The following SETBP1 variants were observed in gnomAD, a reference collection of about 807,000 sequenced individuals.
The protein encoded by SETBP1 is SET-binding protein.
SETBP1 carries 9 observed loss-of-function variants against 101.0 expected under a neutral mutation model. The ratio of observed to expected loss-of-function variants is 0.09; its 90% confidence interval spans 0.05 to 0.16. The LOEUF is 0.16. Ranked by LOEUF, SETBP1 falls within the 10% of genes least tolerant of loss-of-function variation. The pLI, the probability that SETBP1 is intolerant of heterozygous loss-of-function variation, is 1.00. For synonymous variants in SETBP1, 818 were observed against 788.5 expected (o/e 1.04, Z -0.63); for missense variants, 1,858 against 2,033.8 (o/e 0.91, Z 1.66).
chr18:44,910,007 T>A (rs796983374), intron 3 of SETBP1, among the ~76,000 whole-genome samples: 1 of 152,246 alleles, frequency 6.6e-6, no homozygotes, highest in South Asian at 2.1e-4. Flanking sequence ...CTATGGTTTC[T>A]TGTCTATGAA....
chr18:44,945,518 C>G (rs1428305140), intron 3 of SETBP1, among the ~76,000 whole-genome samples: 1 of 151,956 alleles, frequency 6.6e-6, no homozygotes, highest in African/African-American at 2.4e-5. Context: ...AAAAGTGAGC[C>G]ACACCTTTTA....
At position 44,890,533 on chromosome 18, in the gene SETBP1, A is replaced by G. The variant is rs542067393; in HGVS notation, c.540+21250A>G. Among the ~76,000 whole-genome samples the G allele has an allele frequency of 7.9e-5, 12 of 152,210 alleles. No homozygotes were observed. The South Asian group carries it at 2.3e-3, about 29-fold the overall frequency. ...ATTTGGAGATGTTTGTATAGATCCTATGGACACGATATATCATCAAGTTAT... is the reference window on the plus strand; with the variant it reads ...ATTTGGAGATGTTTGTATAGATCCTGTGGACACGATATATCATCAAGTTAT... On this transcript the variant is annotated intron_variant, in intron 3 of 5. Transcript: ENST00000649279.
At chr18:44,848,349 GAGCAGATT>G (rs1156696282) in intron 2 of SETBP1, among the ~76,000 whole-genome samples, 2 of 152,166 alleles carry the variant, frequency 1.3e-5, no homozygotes, top group African/African-American at 4.8e-5. Flanking sequence ...GGGGCGAAAT[GAGCAGATT>G]AGCACACCTG....
chr18:44,948,105 C>T (rs2071251099), intron 3 of SETBP1, among the ~76,000 whole-genome samples: 1 of 152,220 alleles, frequency 6.6e-6, no homozygotes, highest in Non-Finnish European at 1.5e-5. Flanking sequence ...TGCCAGTAAA[C>T]ACCCTCAAGT....
At chr18:44,711,726 T>C (rs1286821372) in intron 2 of SETBP1, among the ~76,000 whole-genome samples, 2 of 115,860 alleles carry the variant, frequency 1.7e-5, no homozygotes, top group Non-Finnish European at 3.6e-5. Flanking sequence ...TTTTTTTTGG[T>C]AGAGATAGGT....
chr18:44,895,139 GAGAA>G (rs980686445), intron 3 of SETBP1, among the ~76,000 whole-genome samples: 6 of 131,144 alleles, frequency 4.6e-5, no homozygotes, highest in Non-Finnish European at 9.8e-5. Context: ...AATGAAAGCA[GAGAA>G]AGAAAGGAGA....
rs1436724007 is a variant in SETBP1 at position 44,701,395 on chromosome 18, T to G, written c.49T>G (p.Ser17Ala). The change falls in exon 2 of 6, where the codon TCA becomes GCA. Residue 17 changes from serine to alanine, a missense_variant. Coordinates refer to ENST00000649279, the MANE Select transcript of SETBP1 (RefSeq NM_015559.3). ...CAGCTCCCGGCAAAGAGGGGGCGAG[T>G]CAGACTTCCTGCCGGTCTCCTCAGC... ...LSSSRQRGGE[S>A]DFLPVSSAKP... is the part of the protein sequence containing the mutation. 2 of 1,557,404 alleles carry G rather than the reference T, an allele frequency of 1.3e-6. No homozygotes were observed. The highest frequency in any genetic ancestry group is 1.2e-5 in the South Asian group (1 of 84,716).
intron 4 of SETBP1, among the ~76,000 whole-genome samples, chr18:45,002,916 T>C (rs764967980): frequency 6.6e-6 from 1 of 152,136 alleles, no homozygotes; most frequent in Non-Finnish European, 1.5e-5. Context: ...TCTTTGAGGA[T>C]TGATAGTTAA....
intron 2 of SETBP1, among the ~76,000 whole-genome samples, chr18:44,715,758 T>G (rs1290292728): frequency 6.6e-6 from 1 of 152,200 alleles, no homozygotes; most frequent in Admixed American, 6.5e-5. Context: ...ATTAAACTTT[T>G]CCATCACTTC....
chr18:44,958,773 A>G (rs1388868514), intron 4 of SETBP1, among the ~76,000 whole-genome samples: 2 of 152,164 alleles, frequency 1.3e-5, no homozygotes, highest in African/African-American at 4.8e-5. Flanking sequence ...CTCTTTGACA[A>G]TCATTTGGTT....
intron 4 of SETBP1, among the ~76,000 whole-genome samples, chr18:45,028,367 T>G (rs1314974470): frequency 1.3e-5 from 2 of 152,100 alleles, no homozygotes; most frequent in Non-Finnish European, 2.9e-5. Context: ...TGCATAGTAT[T>G]CCATGGTGTA....
chr18:45,043,354 C>CTT (rs2073546922), intron 5 of SETBP1, among the ~76,000 whole-genome samples: 1 of 75,946 alleles, frequency 1.3e-5, no homozygotes, highest in Non-Finnish European at 3.3e-5. Context: ...TCCTTTCTCT[C>CTT]TCTCTCTCTC....
chr18:45,044,258 T>C (rs1002477188), intron 5 of SETBP1, among the ~76,000 whole-genome samples: 3 of 152,242 alleles, frequency 2.0e-5, no homozygotes, highest in African/African-American at 7.2e-5. Flanking sequence ...TTAAAATATT[T>C]AGTAGAAAAC....
intron 2 of SETBP1, among the ~76,000 whole-genome samples, chr18:44,710,454 T>TG (rs1159925520): frequency 6.7e-6 from 1 of 148,952 alleles, no homozygotes; most frequent in Non-Finnish European, 1.5e-5. Flanking sequence ...TTAGGAGTTT[T>TG]TTTTTTTTTT....
intron 1 of SETBP1, among the ~76,000 whole-genome samples, chr18:44,682,314 G>T (rs2068772813): frequency 6.6e-6 from 1 of 152,158 alleles, no homozygotes; most frequent in African/African-American, 2.4e-5. Context: ...TTGTGTGCAG[G>T]CCACATCTTC....
chr18:45,042,218 T>G (rs2073524048), intron 5 of SETBP1, among the ~76,000 whole-genome samples: 1 of 147,694 alleles, frequency 6.8e-6, no homozygotes, highest in South Asian at 2.2e-4. Context: ...GGTGCAATCT[T>G]GGCTCACTGC....
intron 3 of SETBP1, among the ~76,000 whole-genome samples, chr18:44,911,180 A>T (rs1192656628): frequency 1.3e-5 from 2 of 152,186 alleles, no homozygotes; most frequent in African/African-American, 4.8e-5. Context: ...ATCTTGGTCT[A>T]ATATGATTAC....
In SETBP1 at chr18:45,063,750, C is replaced by G. The variant is rs776281025; in HGVS notation, c.*52C>G. ...GCCTAGGGAACTGACACGTGGGAAG[C>G]GCAGTGAGCCGGGGCGGGGGCGGAA... On this transcript the variant is annotated 3_prime_UTR_variant, in exon 6 of 6. Transcript: ENST00000649279. 3.8e-6 allele frequency: 6 copies of G among 1,562,008 alleles called. No homozygotes were observed. The highest frequency in any genetic ancestry group is 5.2e-6 in the Non-Finnish European group (6 of 1,153,130).
intron 2 of SETBP1, among the ~76,000 whole-genome samples, chr18:44,732,341 C>T (rs2069854738): frequency 6.6e-6 from 1 of 152,170 alleles, no homozygotes; most frequent in Non-Finnish European, 1.5e-5. Context: ...ACGCCCTAAA[C>T]CCCTGATGTC....
Sources: gnomAD v4.1 joint callset for allele counts (sites outside exome capture counted in the v4.1 genomes callset) on GRCh38, gnomAD v4.1.1 for gene constraint, MANE v1.5 for transcripts, NCBI Gene and HGNC (gene_info 2026-07-23, HGNC 2026-07-21) for gene names.